The following EFCAB6 variants were observed in gnomAD, a reference collection of about 807,000 sequenced individuals.
EFCAB6 encodes the protein EF-hand calcium-binding domain-containing protein 6.
A neutral mutation model predicts 169.8 loss-of-function variants in EFCAB6; 156 were observed. The ratio of observed to expected loss-of-function variants is 0.92; its 90% CI spans 0.81 to 1.05. The LOEUF (loss-of-function observed/expected upper bound fraction) is 1.05, where lower values mean the gene tolerates loss of function less well. Ranked by LOEUF, EFCAB6 falls within the 50% of genes least tolerant of loss-of-function variation. The pLI, the probability that EFCAB6 is intolerant of heterozygous loss-of-function variation, is 0.00. For synonymous variants in EFCAB6, 698 were observed against 676.4 expected, an observed-to-expected ratio of 1.03 and a Z score of -0.50; for missense variants, 1,800 against 1,829.1, an observed-to-expected ratio of 0.98 and a Z score of 0.29.
intron 17 of EFCAB6, among the ~76,000 whole-genome samples, chr22:43,647,853 G>C (rs1391988224): frequency 6.6e-6 from 1 of 152,218 alleles, no homozygotes; most frequent in East Asian, 1.9e-4. Flanking sequence ...GGCAGCCATT[G>C]GGAGCTGGGA....
intron 10 of EFCAB6, among the ~76,000 whole-genome samples, chr22:43,696,604 T>C (rs2058585070): frequency 6.6e-6 from 1 of 152,148 alleles, no homozygotes; most frequent in Admixed American, 6.5e-5. Context: ...TACTAAGCAA[T>C]ATGACTCAGC....
rs556112954 is a variant in EFCAB6, at chr22:43,739,784, C to T, written c.508-3791G>A. Among the ~76,000 whole-genome samples, 7 of 152,218 alleles carry T rather than the reference C, an allele frequency of 4.6e-5. No homozygotes were observed. In the South Asian group the frequency reaches 1.2e-3, roughly 27 times the overall value. ...CAATGCAATCATGTCTTACCACCCC[C>T]ACCCCGCTTCTCCCCGCACTCCGGG... On this transcript the variant is annotated intron_variant, in intron 6 of 31. Coordinates refer to ENST00000262726, the MANE Select transcript of EFCAB6 (RefSeq NM_022785.4).
chr22:43,761,882 T>C (rs751289196), intron 5 of EFCAB6, among the ~76,000 whole-genome samples: 16 of 152,230 alleles, frequency 1.1e-4, no homozygotes, highest in Non-Finnish European at 1.6e-4. Context: ...AGTTCCAATA[T>C]TTCGAGTGTT....
At chr22:43,660,855 C>G (rs2056968624) in intron 17 of EFCAB6, among the ~76,000 whole-genome samples, 1 of 152,166 alleles carries the variant, frequency 6.6e-6, no homozygotes, top group Admixed American at 6.5e-5. Context: ...TGCACTGGCC[C>G]TGTAGCAGCA....
At chr22:43,667,294 T>C (rs1413681822) in intron 16 of EFCAB6, 22 bp from the exon 17 acceptor site, 9 of 1,610,176 alleles carry the variant, frequency 5.6e-6, no homozygotes, top group East Asian at 2.2e-5. Context: ...AGCAGGCATT[T>C]AGACCCAGTG....
At chr22:43,748,671 C>T (rs779711076) in intron 6 of EFCAB6, among the ~76,000 whole-genome samples, 2 of 152,160 alleles carry the variant, frequency 1.3e-5, no homozygotes, top group Non-Finnish European at 2.9e-5. Flanking sequence ...ACTGAAGTTA[C>T]CACAGTGGAC....
rs762175861 is a variant in EFCAB6, at chr22:43,576,493, A to G, written c.3229-5T>C. On this transcript the variant is annotated splice_polypyrimidine_tract_variant and splice_region_variant and intron_variant, in intron 25 of 31. Coordinates refer to ENST00000262726, the MANE Select transcript of EFCAB6 (RefSeq NM_022785.4). ...TTTATCCAATGCAGAAAATGCCTAA[A>G]AAGAAAGAAAAGAAAAAAAGATGGC... is the stretch of plus-strand genomic sequence containing the variant. 3 of 1,515,036 alleles carry G rather than the reference A, an allele frequency of 2.0e-6. No individual in the cohort carries two copies. Among genetic ancestry groups the G allele is most frequent in the Non-Finnish European group, 2.6e-6 (3 of 1,139,854 alleles). 93.8% of individuals were successfully genotyped at this position (1,515,036 alleles called of 1,614,324 possible).
chr22:43,610,730 A>T (rs2053243520), intron 21 of EFCAB6, among the ~76,000 whole-genome samples: 1 of 151,568 alleles, frequency 6.6e-6, no homozygotes, highest in Non-Finnish European at 1.5e-5. Flanking sequence ...GTCATAACTT[A>T]AAAAAAAATT....
rs758556264 is a variant in EFCAB6 at position 43,540,261 on chromosome 22, G to T, written c.3745C>A (p.Pro1249Thr). 1 of 1,614,250 alleles carries T rather than the reference G, an allele frequency of 6.2e-7. No homozygotes were observed. Among genetic ancestry groups the T allele is most frequent in the South Asian group, 1.1e-5 (1 of 91,086 alleles). Reference sequence around the variant, plus strand: ...ACGGCCGAGTCACCAGTGGCCATTGGTGTGGCTGCTGTCTCGGAACTGAAC... The same window carrying T: ...ACGGCCGAGTCACCAGTGGCCATTGTTGTGGCTGCTGTCTCGGAACTGAAC... ...SRFSSETAATPMATGDSAVAQ... is the reference protein window; with the variant it reads ...SRFSSETAATTMATGDSAVAQ... The change falls in exon 28 of 32, where the codon CCA becomes ACA. Residue 1249 changes from proline (P) to threonine (T), a missense_variant. Coordinates refer to ENST00000262726, the MANE Select transcript of EFCAB6 (RefSeq NM_022785.4).
intron 6 of EFCAB6, among the ~76,000 whole-genome samples, chr22:43,741,375 C>G (rs1014872622): frequency 1.3e-5 from 2 of 152,162 alleles, no homozygotes; most frequent in Non-Finnish European, 2.9e-5. Flanking sequence ...CTTCCTTCTT[C>G]CTTACATGCA....
At position 43,802,586 on chromosome 22, in the gene EFCAB6, TTGTC is replaced by T. The variant is rs369619621; in HGVS notation, c.-8+6405_-8+6408del. The stretch of plus-strand genomic sequence containing the variant: ...GGACAAATCACAGAGATCTGCAAGC[TTGTC>T]TGCTAAACCTGCTCCTCCAAAGCCA... On this transcript the variant is annotated intron_variant, in intron 2 of 31. Transcript: ENST00000262726. 4.7e-4 allele frequency: 200 copies of T among 426,508 alleles called. 1 individual carries two copies. In the Middle Eastern group the frequency reaches 7.8e-3, roughly 17 times the overall value. 26.4% of individuals were successfully genotyped at this position (426,508 alleles called of 1,614,324 possible). A position where few individuals can be genotyped will look rare whatever the true frequency, so the allele number is the denominator to read the frequency against.
intron 20 of EFCAB6, among the ~76,000 whole-genome samples, chr22:43,617,914 C>T (rs2053809116): frequency 2.0e-5 from 3 of 151,640 alleles, no homozygotes; most frequent in Admixed American, 6.6e-5. Flanking sequence ...CCAGCCTGGC[C>T]AACATGGTGA....
chr22:43,590,291 C>A (rs1602461041), intron 23 of EFCAB6, 62 bp from the exon 24 acceptor site: 1 of 1,561,846 alleles, frequency 6.4e-7, no homozygotes, highest in Admixed American at 1.8e-5. Context: ...TCCTTTAAAG[C>A]AAACACTGCA....
intron 8 of EFCAB6, among the ~76,000 whole-genome samples, chr22:43,727,244 A>G (rs1406842956): frequency 2.0e-5 from 3 of 152,202 alleles, no homozygotes; most frequent in Non-Finnish European, 4.4e-5. Context: ...TGGGCATGAC[A>G]GTGAGATGCC....
chr22:43,684,653 C>T (rs891937964), intron 11 of EFCAB6, among the ~76,000 whole-genome samples: 1 of 152,244 alleles, frequency 6.6e-6, no homozygotes, highest in African/African-American at 2.4e-5. Context: ...TTAGCTTCTT[C>T]CGTTTGTGCA....
At chr22:43,587,554 C>T (rs2051158945) in intron 24 of EFCAB6, among the ~76,000 whole-genome samples, 1 of 152,198 alleles carries the variant, frequency 6.6e-6, no homozygotes, top group African/African-American at 2.4e-5. Context: ...CATCACTCTA[C>T]TCTTTGCCTC....
chr22:43,555,168 C>G (rs757278196), intron 26 of EFCAB6, 72 bp from the exon 27 acceptor site: 30 of 1,520,036 alleles, frequency 2.0e-5, no homozygotes, highest in Non-Finnish European at 2.5e-5. Context: ...GCTCCTCACC[C>G]AGGGCAAGTT....
rs1044315214 is a variant in EFCAB6 at position 43,742,551 on chromosome 22, C to A, written c.508-6558G>T. 5.9e-5 allele frequency among the ~76,000 whole-genome samples: 9 copies of A among 152,354 alleles called. No individual in the cohort carries two copies. The East Asian group carries it at 1.5e-3, about 26-fold the overall frequency. ...AGATTTTAAAAGGAAACCAAAGCAA[C>A]AGCTAACTATGCCTTAAGTTAAAGG... On this transcript the variant is annotated intron_variant, in intron 6 of 31. Coordinates refer to ENST00000262726, the MANE Select transcript of EFCAB6 (RefSeq NM_022785.4).
Position 43,572,259 on chromosome 22 carries a change from G to A in EFCAB6, c.3420+4038C>T, listed in dbSNP as rs114349822. On this transcript the variant is annotated intron_variant, in intron 26 of 31. Coordinates refer to ENST00000262726, the MANE Select transcript of EFCAB6 (RefSeq NM_022785.4). This position sits in a 1 kb window ranked among gnomAD's most constrained non-coding sequence, Gnocchi z 4.0. Reference sequence around the variant, plus strand: ...ACTGGGCAGAACTAACCAATGTTGCGGGAGGCAAGCTGACAGCACATAAAG... The same window carrying A: ...ACTGGGCAGAACTAACCAATGTTGCAGGAGGCAAGCTGACAGCACATAAAG... Among the ~76,000 whole-genome samples the A allele has an allele frequency of 6.0e-4, 91 of 152,272 alleles. No homozygotes were observed. Among genetic ancestry groups the A allele is most frequent in the African/African-American group, 1.9e-3 (79 of 41,544 alleles).
Sources: gnomAD v4.1 joint callset for allele counts (sites outside exome capture counted in the v4.1 genomes callset) on GRCh38, gnomAD v4.1.1 for gene constraint, Gnocchi (gnomAD v3.1) non-coding constraint, MANE v1.5 for transcripts, NCBI Gene and HGNC (gene_info 2026-07-23, HGNC 2026-07-21) for gene names.